FHOD3: variants seen among roughly 807,000 people sequenced by gnomAD.
FHOD3 encodes formin homology 2 domain containing 3, also known as FH1/FH2 domain-containing protein 3.
A neutral mutation model predicts 173.0 loss-of-function variants in FHOD3; 90 were observed. The observed-to-expected ratio is 0.52, with a 90% CI of 0.44 to 0.62. FHOD3 has a LOEUF of 0.62. FHOD3 is among the 20% of genes least tolerant of loss of function. The pLI, the probability that FHOD3 is intolerant of heterozygous loss-of-function variation, is 0.00. For missense variants in FHOD3, 1,945 were observed against 2,034.7 expected, an observed-to-expected ratio of 0.96 and a Z score of 0.85; for synonymous variants, 828 against 823.0, an observed-to-expected ratio of 1.01 and a Z score of -0.10.
intron 3 of FHOD3, among the ~76,000 whole-genome samples, chr18:36,489,632 C>A (rs938270): frequency 0.71 from 108,429 of 152,034 alleles, 40,232 homozygotes; most frequent in East Asian, 0.95. Flanking sequence ...TGTTCATACT[C>A]CCACACTCCA....
At chr18:36,311,013 A>G (rs2092243802) in intron 1 of FHOD3, among the ~76,000 whole-genome samples, 2 of 152,208 alleles carry the variant, frequency 1.3e-5, no homozygotes. Flanking sequence ...TTTTCATTTC[A>G]TGTAATAGAA....
chr18:36,299,861 A>G (rs1050583936), intron 1 of FHOD3, among the ~76,000 whole-genome samples: 12 of 152,144 alleles, frequency 7.9e-5, no homozygotes, highest in African/African-American at 2.2e-4. Flanking sequence ...GTATATTTAG[A>G]TGTCTGGCAT....
intron 1 of FHOD3, among the ~76,000 whole-genome samples, chr18:36,335,085 G>C (rs1188934576): frequency 1.3e-5 from 2 of 152,206 alleles, no homozygotes; most frequent in South Asian, 4.1e-4. Flanking sequence ...CATGGCAGTC[G>C]CCTAGGACAG....
chr18:36,437,511 T>A (rs1355208677), intron 3 of FHOD3, among the ~76,000 whole-genome samples: 2 of 152,194 alleles, frequency 1.3e-5, no homozygotes, highest in Non-Finnish European at 2.9e-5. Flanking sequence ...AATGTTAAAA[T>A]ATTTGACATG....
At chr18:36,686,649 A>G (rs1367995655) in intron 15 of FHOD3, among the ~76,000 whole-genome samples, 1 of 152,100 alleles carries the variant, frequency 6.6e-6, no homozygotes, top group Non-Finnish European at 1.5e-5. Flanking sequence ...AAAAAAAAAA[A>G]AAAAATCCTG....
chr18:36,617,025 A>G (rs1325659058), intron 9 of FHOD3, among the ~76,000 whole-genome samples: 1 of 152,342 alleles, frequency 6.6e-6, no homozygotes, highest in African/African-American at 2.4e-5. Flanking sequence ...GCATTTAGTT[A>G]GGAAACATCT....
At chr18:36,733,886 C>G (rs1208762768) in intron 20 of FHOD3, among the ~76,000 whole-genome samples, 1 of 152,158 alleles carries the variant, frequency 6.6e-6, no homozygotes, top group Non-Finnish European at 1.5e-5. Context: ...GGCTCCCAAG[C>G]CAGTGAGCCA....
intron 5 of FHOD3, among the ~76,000 whole-genome samples, chr18:36,571,134 CA>C (rs1449119567): frequency 6.6e-6 from 1 of 151,912 alleles, no homozygotes; most frequent in East Asian, 1.9e-4. Context: ...AAAAACAAAA[CA>C]AAAAATCAAA....
intron 10 of FHOD3, among the ~76,000 whole-genome samples, chr18:36,641,541 G>C (rs936002297): frequency 1.3e-5 from 2 of 152,154 alleles, no homozygotes; most frequent in African/African-American, 4.8e-5. Flanking sequence ...TGGGCCCCAT[G>C]GGTTGAATAC....
intron 5 of FHOD3, among the ~76,000 whole-genome samples, chr18:36,558,798 C>T (rs1235623392): frequency 6.6e-6 from 1 of 152,058 alleles, no homozygotes; most frequent in East Asian, 1.9e-4. Flanking sequence ...TTAAAATAGT[C>T]CATGGTGTGT....
At chr18:36,680,905 T>C (rs1291209233) in intron 14 of FHOD3, among the ~76,000 whole-genome samples, 1 of 152,214 alleles carries the variant, frequency 6.6e-6, no homozygotes, top group African/African-American at 2.4e-5. Flanking sequence ...TAATAGAAAA[T>C]AGTTTTATAA....
rs1034962682 is a variant in FHOD3, at chr18:36,612,814, G to A, written c.957+719G>A. On this transcript the variant is annotated intron_variant, in intron 9 of 28. Transcript: ENST00000590592. ...TAGCTCCCATATGCACGTGTATTTT[G>A]TTCTTACCAAAACAGCAGAAACAGT... Among the ~76,000 whole-genome samples, 25 of 152,236 alleles carry A rather than the reference G, an allele frequency of 1.6e-4. 1 individual carries two copies. Among genetic ancestry groups the A allele is most frequent in the African/African-American group, 5.8e-4 (24 of 41,542 alleles).
intron 3 of FHOD3, among the ~76,000 whole-genome samples, chr18:36,453,277 T>G (rs1278991751): frequency 6.6e-6 from 1 of 152,116 alleles, no homozygotes; most frequent in Non-Finnish European, 1.5e-5. Flanking sequence ...ATTTCTTGAG[T>G]TTGGCAAAGA....
intron 24 of FHOD3, among the ~76,000 whole-genome samples, chr18:36,749,355 G>A (rs1222211812): frequency 6.6e-6 from 1 of 152,072 alleles, no homozygotes; most frequent in East Asian, 1.9e-4. Flanking sequence ...TTCATGTCCA[G>A]TGTCTGTTGT....
At chr18:36,572,580 G>A (rs981570102) in intron 5 of FHOD3, among the ~76,000 whole-genome samples, 2 of 152,184 alleles carry the variant, frequency 1.3e-5, no homozygotes, top group African/African-American at 4.8e-5. Context: ...CATGAACTTT[G>A]TAGTGATGCA....
chr18:36,410,194 ACCATGAAT>A (rs1369074202), intron 3 of FHOD3, among the ~76,000 whole-genome samples: 1 of 152,124 alleles, frequency 6.6e-6, no homozygotes. Flanking sequence ...ATCCCTGGTA[ACCATGAAT>A]CCACTTTCTG....
chr18:36,705,075 G>A (rs2039799330), intron 17 of FHOD3, among the ~76,000 whole-genome samples: 1 of 152,194 alleles, frequency 6.6e-6, no homozygotes, highest in South Asian at 2.1e-4. Context: ...GCACACCCAA[G>A]CTGTTCCCAG....
chr18:36,500,976 C>CTCCG (rs1291545617), intron 3 of FHOD3, among the ~76,000 whole-genome samples: 1 of 152,152 alleles, frequency 6.6e-6, no homozygotes, highest in Non-Finnish European at 1.5e-5. Context: ...ACAGGACTCC[C>CTCCG]TCCGGTGTGT....
chr18:36,527,941 C>A (rs897822418), intron 5 of FHOD3, among the ~76,000 whole-genome samples: 1 of 152,206 alleles, frequency 6.6e-6, no homozygotes, highest in Admixed American at 6.5e-5. Context: ...ATCTCCTGGG[C>A]AGTCCTTCGT....
Sources: gnomAD v4.1 joint callset for allele counts (sites outside exome capture counted in the v4.1 genomes callset) on GRCh38, gnomAD v4.1.1 for gene constraint, MANE v1.5 for transcripts, NCBI Gene and HGNC (gene_info 2026-07-23, HGNC 2026-07-21) for gene names.